The following PAH variants were observed in gnomAD, a reference collection of about 807,000 sequenced individuals.
PAH encodes the protein phenylalanine hydroxylase.
Under a neutral mutation model 62.0 loss-of-function variants are expected in PAH, and 64 were observed. The observed-to-expected ratio is 1.03, with a 90% CI of 0.84 to 1.27. PAH has a LOEUF of 1.27. PAH is among the 50% of genes most tolerant of loss of function. The pLI, the probability that PAH is intolerant of heterozygous loss-of-function variation, is 0.00. For missense variants in PAH, 579 were observed against 542.8 expected (o/e 1.07, Z -0.66); for synonymous variants, 195 against 196.2 (o/e 0.99, Z 0.05).
chr12:102,936,236 G>C (rs922610282), intron 1 of PAH, among the ~76,000 whole-genome samples: 22 of 151,938 alleles, frequency 1.4e-4, no homozygotes, highest in African/African-American at 5.1e-4. Context: ...TTCCATTATA[G>C]TCAGAGAAGA....
At chr12:102,864,653 T>C (rs550765779) in intron 5 of PAH, among the ~76,000 whole-genome samples, 7 of 152,288 alleles carry the variant, frequency 4.6e-5, no homozygotes, top group Admixed American at 1.3e-4. Flanking sequence ...TTGCCTTCTT[T>C]GACCTCAGTT....
At chr12:102,904,698 G>T in intron 2 of PAH, 1 of 469,680 alleles carries the variant, frequency 2.1e-6, no homozygotes, top group Non-Finnish European at 4.2e-6. Flanking sequence ...CATTTTATAG[G>T]GTCCAGAAAT....
intron 8 of PAH, among the ~76,000 whole-genome samples, chr12:102,847,548 A>G (rs1874906532): frequency 6.6e-6 from 1 of 152,232 alleles, no homozygotes; most frequent in Admixed American, 6.5e-5. Flanking sequence ...AATATTTATT[A>G]AGTTCATTTG....
intron 2 of PAH, among the ~76,000 whole-genome samples, chr12:102,895,869 A>AAAAATATATATATATATAT: frequency 8.4e-6 from 1 of 118,714 alleles, no homozygotes; most frequent in African/African-American, 3.6e-5. Flanking sequence ...AAAAAAAAAA[A>AAAAATATATATATATATAT]ATATATATAT....
chr12:102,844,780 G>A (rs889058371), intron 9 of PAH, among the ~76,000 whole-genome samples: 3 of 152,102 alleles, frequency 2.0e-5, no homozygotes, highest in Non-Finnish European at 4.4e-5. Context: ...TCTGGGACTC[G>A]CACCCAACCA....
upstream of PAH, among the ~76,000 whole-genome samples, chr12:102,920,288 A>C (rs1878519721): frequency 1.3e-5 from 2 of 152,354 alleles, no homozygotes; most frequent in South Asian, 4.1e-4. Context: ...ATGTGCTGCT[A>C]TAATGAGAGC....
chr12:102,942,300 G>T (rs1215522761), intron 1 of PAH, among the ~76,000 whole-genome samples: 3 of 152,056 alleles, frequency 2.0e-5, no homozygotes, highest in African/African-American at 7.2e-5. Flanking sequence ...GTCAAATTAA[G>T]AACACAATCA....
At position 102,894,786 on chromosome 12, in the gene PAH, C is replaced by T. The variant is rs1555207979; in HGVS notation, c.301G>A (p.Asp101Asn). The change falls in exon 3 of 13, where the codon GAC (aspartate) becomes AAC (asparagine). Residue 101 changes from aspartate to asparagine, a missense_variant. Transcript: ENST00000553106. Reference protein sequence around the residue: ...LTNIIKILRHDIGATVHELSR... With the variant: ...LTNIIKILRHNIGATVHELSR... ...AGCTCATGGACAGTGGCACCAATGT[C>T]ATGCCTCAAGATCTTGATGATGTTT... 1 of 1,614,096 alleles carries T rather than the reference C, an allele frequency of 6.2e-7. No individual in the cohort carries two copies.
intron 10 of PAH, 132 bp downstream of exon 10, chr12:102,844,204 C>T: frequency 1.4e-6 from 1 of 714,794 alleles, no homozygotes; most frequent in Non-Finnish European, 2.5e-6. Context: ...AGGTACCAAT[C>T]ACTGGAGAAT....
At position 102,877,539 on chromosome 12, in the gene PAH, G is replaced by A. The variant is rs1466564208; in HGVS notation, c.364C>T (p.Pro122Ser). Residue 122 changes from proline (P) to serine (S), a missense_variant, in exon 4 of 13, where the codon CCA becomes TCA. Pro to Ser is a moderately conservative substitution (Grantham distance 74). Transcript: ENST00000553106. ...DKKKDTVPWF[P>S]RTIQELDRFA... ...CTGTCCAGCTCTTGAATGGTTCTTG[G>A]GAACCAGGGCACTGAAACACAGAGA... is the stretch of plus-strand genomic sequence containing the variant. 6.2e-7 allele frequency: 1 copy of A among 1,613,172 alleles called. No individual in the cohort carries two copies. The highest frequency in any genetic ancestry group is 1.1e-5 in the South Asian group (1 of 91,064).
At chr12:102,917,386 G>C (rs1878430046), upstream of PAH, 1 of 512,270 alleles carries the variant, frequency 2.0e-6, no homozygotes, top group Admixed American at 3.2e-5. Context: ...GGCTGAGGGA[G>C]GGTGTGGGGG....
rs1876068893 is a variant in PAH at position 102,867,940 on chromosome 12, CATGTATATACATA to C, written c.442-1290_442-1278del. Among the ~76,000 whole-genome samples the C allele has an allele frequency of 2.2e-5, 3 of 137,700 alleles. 1 individual carries two copies. The highest frequency in any genetic ancestry group is 4.7e-5 in the Non-Finnish European group (3 of 63,700). The allele number at this position is 137,700 out of a possible 152,430, so 90.3% of individuals were successfully genotyped here. Reference sequence around the variant, plus strand: ...ATATACATATATAGATGTATATATACATGTATATACATATATAGATGTATATATACATGTATAT... The same window carrying C: ...ATATACATATATAGATGTATATATACTATAGATGTATATATACATGTATAT... On this transcript the variant is annotated intron_variant, in intron 4 of 12. Transcript: ENST00000553106.
intron 1 of PAH, among the ~76,000 whole-genome samples, chr12:102,948,881 G>A (rs191529073): frequency 3.9e-5 from 6 of 152,312 alleles, no homozygotes; most frequent in African/African-American, 1.2e-4. Flanking sequence ...TCTAATGGGA[G>A]TATCAGGGGA....
chr12:102,887,121 G>A (rs1357285192), intron 3 of PAH, among the ~76,000 whole-genome samples: 1 of 152,088 alleles, frequency 6.6e-6, no homozygotes, highest in Non-Finnish European at 1.5e-5. Flanking sequence ...GAAAAAAAGA[G>A]AGGCTATTGG....
intron 1 of PAH, among the ~76,000 whole-genome samples, chr12:102,943,999 A>G (rs1879393341): frequency 6.6e-6 from 1 of 152,214 alleles, no homozygotes; most frequent in Non-Finnish European, 1.5e-5. Flanking sequence ...CACCCATGTA[A>G]CAAACCTGTA....
intron 2 of PAH, among the ~76,000 whole-genome samples, chr12:102,910,473 C>T (rs1300224226): frequency 6.6e-6 from 1 of 151,836 alleles, no homozygotes; most frequent in Non-Finnish European, 1.5e-5. Flanking sequence ...AGGGTTCACG[C>T]CATTCTCCTG....
intron 1 of PAH, chr12:102,916,724 G>A (rs1878396452): frequency 2.9e-6 from 1 of 341,250 alleles, no homozygotes; most frequent in South Asian, 2.8e-5. Context: ...CAGATCATTA[G>A]GGACCAGCCC....
chr12:102,948,366 A>C (rs1264287945), intron 1 of PAH, among the ~76,000 whole-genome samples: 3 of 152,206 alleles, frequency 2.0e-5, no homozygotes, highest in Non-Finnish European at 2.9e-5. Context: ...AGATTTCCAA[A>C]GTGGGGCTCT....
chr12:102,883,464 C>T (rs11111413), intron 3 of PAH, among the ~76,000 whole-genome samples: 15,038 of 152,216 alleles, frequency 0.099, 2,311 homozygotes, highest in African/African-American at 0.33. Context: ...AAATTCTTAT[C>T]GGGCCACCTG....
Sources: gnomAD v4.1 joint callset for allele counts (sites outside exome capture counted in the v4.1 genomes callset) on GRCh38, gnomAD v4.1.1 for gene constraint, MANE v1.5 for transcripts, NCBI Gene and HGNC (gene_info 2026-07-23, HGNC 2026-07-21) for gene names.